RPS6KA6: variants seen among roughly 807,000 people sequenced by gnomAD.
The protein encoded by RPS6KA6 is ribosomal protein S6 kinase alpha-6.
In RPS6KA6, 27 loss-of-function variants were observed where a neutral mutation model predicts 65.4. The ratio of observed to expected loss-of-function variants is 0.41; its 90% CI spans 0.30 to 0.57. The LOEUF (loss-of-function observed/expected upper bound fraction) is 0.57, where lower values mean the gene tolerates loss of function less well. Ranked by LOEUF, RPS6KA6 falls within the 20% of genes least tolerant of loss-of-function variation. The probability of loss-of-function intolerance (pLI) is 0.24; values close to 1 mark genes in which losing one functional copy is unlikely to be tolerated. For synonymous variants in RPS6KA6, 190 were observed against 184.2 expected (o/e 1.03, Z -0.26); for missense variants, 486 against 555.6 (o/e 0.87, Z 1.26).
chrX:84,158,026 C>T (rs542492140), intron 2 of RPS6KA6, among the ~76,000 whole-genome samples: 22 of 108,923 alleles, frequency 2.0e-4, no homozygotes, highest in African/African-American at 7.0e-4. Context: ...ACACTGTGTC[C>T]GAACAACTAA....
At chrX:84,124,978 A>G (rs5967470) in intron 8 of RPS6KA6, among the ~76,000 whole-genome samples, 13,565 of 111,526 alleles carry the variant, frequency 0.12, 800 homozygotes, top group East Asian at 0.51. Context: ...TGGAAACTTT[A>G]CAGGTTAGGA....
Position 84,113,319 on chromosome X carries a change from C to T in RPS6KA6, c.1008+2910G>A, listed in dbSNP as rs145195714. On this transcript the variant is annotated intron_variant, in intron 12 of 21. Coordinates refer to ENST00000262752, the MANE Select transcript of RPS6KA6 (RefSeq NM_014496.5). ...TCCTTCCTAATTAATTCTACAAAAC[C>T]GGTATCATCCTGAGAGCAAAATCAG... 5.7e-4 allele frequency among the ~76,000 whole-genome samples: 63 copies of T among 111,352 alleles called. No individual in the cohort carries two copies. In the East Asian group the frequency reaches 0.014, roughly 25 times the overall value.
chrX:84,096,222 T>C lies in RPS6KA6; in HGVS notation c.1943A>G (p.Asn648Ser). The change falls in exon 20 of 22, where the codon AAC becomes AGC. Residue 648 changes from asparagine (N) to serine (S), a missense_variant. Coordinates refer to ENST00000262752, the MANE Select transcript of RPS6KA6 (RefSeq NM_014496.5). Reference protein sequence around the residue: ...GNGKFSLSGGNWDNISDGAKD... With the variant: ...GNGKFSLSGGSWDNISDGAKD... ...TGCTCCGTCTGAAATATTGTCCCAG[T>C]TTCCACCACTCAAAGAGAATTTTCC... 1 of 1,190,014 alleles carries C rather than the reference T, an allele frequency of 8.4e-7. No individual in the cohort carries two copies. The highest frequency in any genetic ancestry group is 3.0e-5 in the East Asian group (1 of 33,571).
intron 3 of RPS6KA6, among the ~76,000 whole-genome samples, chrX:84,155,755 G>A (rs1285905381): frequency 8.9e-6 from 1 of 112,099 alleles, no homozygotes; most frequent in Non-Finnish European, 1.9e-5. Context: ...TGCCAGCATG[G>A]GAACAAGGAG....
At chrX:84,120,236 A>G (rs2034642023) in intron 8 of RPS6KA6, among the ~76,000 whole-genome samples, 1 of 111,371 alleles carries the variant, frequency 9.0e-6, no homozygotes, top group Non-Finnish European at 1.9e-5. Context: ...CTTCCATGAA[A>G]TCTCATCCTC....
At position 84,106,794 on chromosome X, in the gene RPS6KA6, C is replaced by T; in HGVS notation, c.1242+116G>A. On this transcript the variant is annotated intron_variant, in intron 14 of 21. Transcript: ENST00000262752. ...GGACATATTTAATTCATGATTTATA[C>T]CAATAGATAAACAAAGAAGTTAAAA... The T allele has an allele frequency of 5.1e-6, 3 of 590,899 alleles. No homozygotes were observed. The South Asian group carries it at 1.2e-4, about 23-fold the overall frequency. 48.7% of individuals were successfully genotyped at this position (590,899 alleles called of 1,213,427 possible). A position where few individuals can be genotyped will look rare whatever the true frequency, so the allele number is the denominator to read the frequency against.
chrX:84,176,028 G>T (rs2035762847), intron 1 of RPS6KA6, among the ~76,000 whole-genome samples: 1 of 111,945 alleles, frequency 8.9e-6, no homozygotes, highest in South Asian at 3.7e-4. Context: ...AGTTACTACT[G>T]AGTCACTGAG....
chrX:84,077,897 A>G (rs759265884), intron 20 of RPS6KA6, among the ~76,000 whole-genome samples: 1 of 112,359 alleles, frequency 8.9e-6, no homozygotes, highest in Admixed American at 9.5e-5. Context: ...CTCTATCCTA[A>G]GTCAAAAAAT....
intron 12 of RPS6KA6, among the ~76,000 whole-genome samples, chrX:84,111,180 C>A (rs897786076): frequency 1.9e-5 from 2 of 107,509 alleles, no homozygotes; most frequent in Non-Finnish European, 3.9e-5. Context: ...TGAACAAAGT[C>A]TTTGAGAAAT....
intron 2 of RPS6KA6, among the ~76,000 whole-genome samples, chrX:84,161,507 A>C (rs1016223615): frequency 9.0e-6 from 1 of 111,575 alleles, no homozygotes. Context: ...CAAGAGAAAA[A>C]ATACTGAAGC....
intron 8 of RPS6KA6, among the ~76,000 whole-genome samples, chrX:84,124,061 T>G (rs2034729732): frequency 9.0e-6 from 1 of 111,105 alleles, no homozygotes; most frequent in Admixed American, 9.6e-5. Context: ...ATACAGAGAA[T>G]TCTTCCAGAA....
intron 8 of RPS6KA6, among the ~76,000 whole-genome samples, chrX:84,134,278 A>AAT (rs1170077529): frequency 8.9e-6 from 1 of 111,972 alleles, no homozygotes; most frequent in Non-Finnish European, 1.9e-5. Context: ...GGCTATTACA[A>AAT]ATAGAGTTGT....
At chrX:84,171,593 C>T (rs932001702) in intron 1 of RPS6KA6, among the ~76,000 whole-genome samples, 5 of 111,814 alleles carry the variant, frequency 4.5e-5, no homozygotes, top group African/African-American at 1.6e-4. Context: ...TTGAGCAGTT[C>T]TATTTTTGTC....
chrX:84,120,516 C>T (rs897848975), intron 8 of RPS6KA6, among the ~76,000 whole-genome samples: 5 of 110,662 alleles, frequency 4.5e-5, no homozygotes, highest in African/African-American at 6.5e-5. Flanking sequence ...AACTGGAAGA[C>T]GAAATTTAAA....
intron 20 of RPS6KA6, among the ~76,000 whole-genome samples, chrX:84,090,243 T>C (rs1394394869): frequency 8.9e-6 from 1 of 111,984 alleles, no homozygotes; most frequent in Non-Finnish European, 1.9e-5. Flanking sequence ...TCACAAATAA[T>C]AATAAATAAT....
chrX:84,178,532 TATTA>T (rs1201592489), intron 1 of RPS6KA6, among the ~76,000 whole-genome samples: 3 of 112,344 alleles, frequency 2.7e-5, no homozygotes, highest in Admixed American at 9.5e-5. Context: ...TTATTAATTG[TATTA>T]ATTAATTTTA....
At chrX:84,090,435 T>C (rs1369738206) in intron 20 of RPS6KA6, among the ~76,000 whole-genome samples, 1 of 111,814 alleles carries the variant, frequency 8.9e-6, no homozygotes, top group Non-Finnish European at 1.9e-5. Flanking sequence ...AAAACTGCTC[T>C]GTAGTACAGA....
intron 1 of RPS6KA6, among the ~76,000 whole-genome samples, chrX:84,177,460 A>C (rs2035789539): frequency 8.9e-6 from 1 of 111,962 alleles, no homozygotes; most frequent in African/African-American, 3.2e-5. Context: ...CACAGTAAAT[A>C]AATAAAGAGC....
At chrX:84,079,678 T>G (rs2033746445) in intron 20 of RPS6KA6, among the ~76,000 whole-genome samples, 1 of 111,184 alleles carries the variant, frequency 9.0e-6, no homozygotes, top group Non-Finnish European at 1.9e-5. Context: ...GAGTAGGCAG[T>G]TTTCCCCTGA....
Sources: gnomAD v4.1 joint callset for allele counts (sites outside exome capture counted in the v4.1 genomes callset) on GRCh38, gnomAD v4.1.1 for gene constraint, MANE v1.5 for transcripts, NCBI Gene and HGNC (gene_info 2026-07-23, HGNC 2026-07-21) for gene names.